The following IFNAR1 variants were observed in gnomAD, a reference collection of about 807,000 sequenced individuals.
IFNAR1 encodes the protein interferon alpha/beta receptor 1.
Under a neutral mutation model 62.1 loss-of-function variants are expected in IFNAR1, and 47 were observed. The observed-to-expected ratio is 0.76, with a 90% CI of 0.60 to 0.97. IFNAR1 has a LOEUF of 0.97. Ranked by LOEUF, IFNAR1 falls within the 50% of genes least tolerant of loss-of-function variation. The pLI is 0.00. For missense variants in IFNAR1, 638 were observed against 654.5 expected, an observed-to-expected ratio of 0.97 and a Z score of 0.27; for synonymous variants, 219 against 226.9, an observed-to-expected ratio of 0.97 and a Z score of 0.31.
intron 6 of IFNAR1, 60 bp from the exon 7 acceptor site, chr21:33,349,031 C>T: frequency 9.6e-7 from 1 of 1,041,374 alleles, no homozygotes; most frequent in Non-Finnish European, 1.4e-6. Flanking sequence ...AACATAGTGT[C>T]TGGCAATTGT....
At chr21:33,334,909 C>T in intron 1 of IFNAR1, 2 of 1,505,034 alleles carry the variant, frequency 1.3e-6, no homozygotes, top group Non-Finnish European at 1.8e-6. Flanking sequence ...CTTTCCCACC[C>T]CTGCAGTGGG....
intron 1 of IFNAR1, chr21:33,335,111 G>A (rs560500614): frequency 2.1e-5 from 15 of 721,646 alleles, no homozygotes; most frequent in African/African-American, 1.0e-4. Context: ...TTATTTGGAC[G>A]TAACACCATT....
In IFNAR1 at chr21:33,353,858, A is replaced by G. The variant is rs2123273313; in HGVS notation, c.1440+75A>G. ...AATGTGTTTGATTTCAACAGGATAT[A>G]TGTAGGTTTTCTTGATATCCAGAAA... On this transcript the variant is annotated intron_variant, in intron 10 of 10. Coordinates refer to ENST00000270139, the MANE Select transcript of IFNAR1 (RefSeq NM_000629.3). 5.0e-6 allele frequency: 5 copies of G among 993,572 alleles called. No individual in the cohort carries two copies. In the South Asian group the frequency reaches 6.1e-5, roughly 12 times the overall value. 61.5% of individuals were successfully genotyped at this position (993,572 alleles called of 1,614,324 possible).
chr21:33,346,690 A>C (rs1290664203), intron 6 of IFNAR1, among the ~76,000 whole-genome samples: 1 of 152,240 alleles, frequency 6.6e-6, no homozygotes, highest in Non-Finnish European at 1.5e-5. Context: ...GTTAGCCAAC[A>C]TTGCAAAGTG....
rs985673227 is a variant in IFNAR1 at position 33,356,251 on chromosome 21, G to A, written c.*702G>A. 2 of 152,210 alleles carry A rather than the reference G, an allele frequency of 1.3e-5. No homozygotes were observed. The highest frequency in any genetic ancestry group is 1.3e-4 in the Admixed American group (2 of 15,274). The allele number at this position is 152,210 out of a possible 1,614,324, so 9.4% of individuals were successfully genotyped here. A position where few individuals can be genotyped will look rare whatever the true frequency, so the allele number is the denominator to read the frequency against. On this transcript the variant is annotated 3_prime_UTR_variant, in exon 11 of 11. Coordinates refer to ENST00000270139, the MANE Select transcript of IFNAR1 (RefSeq NM_000629.3). ...GCTGGCTACTGCATGTGCCACACCT[G>A]TCTGTTCGCCATTCCTAACATTCTG... is the stretch of plus-strand genomic sequence containing the variant.
At position 33,349,481 on chromosome 21, in the gene IFNAR1, G is replaced by A. The variant is rs1229558903; in HGVS notation, c.1081G>A (p.Val361Met). The A allele has an allele frequency of 1.2e-6, 2 of 1,611,720 alleles. No individual in the cohort carries two copies. The highest frequency in any genetic ancestry group is 1.7e-6 in the Non-Finnish European group (2 of 1,177,954). The change falls in exon 8 of 11, where the codon GTG (valine) becomes ATG (methionine). Residue 361 changes from valine to methionine, a missense_variant. Physicochemically the swap from Val to Met is conservative, Grantham distance 21 (BLOSUM62 1). Coordinates refer to ENST00000270139, the MANE Select transcript of IFNAR1 (RefSeq NM_000629.3). ...TCCAAAACAGTCTGGAAACACGCCT[G>A]TGATCCAGGATTATCCACTGATTTA... ...GAPKQSGNTP[V>M]IQDYPLIYEI...
At position 33,358,012 on chromosome 21, in the gene IFNAR1, G is replaced by A. The variant is rs1459305389; in HGVS notation, c.*2463G>A. 6.6e-6 allele frequency: 1 copy of A among 152,206 alleles called. No homozygotes were observed. The highest frequency in any genetic ancestry group is 1.9e-4 in the East Asian group (1 of 5,206). 9.4% of individuals were successfully genotyped at this position (152,206 alleles called of 1,614,324 possible). ...TACTTCAGACTGGATAGCCTAAAAAGGAGCAATGCCCTTGTAGGATGTGGA... is the reference window on the plus strand; with the variant it reads ...TACTTCAGACTGGATAGCCTAAAAAAGAGCAATGCCCTTGTAGGATGTGGA... On this transcript the variant is annotated 3_prime_UTR_variant, in exon 11 of 11. Transcript: ENST00000270139.
At chr21:33,333,034 AG>A (rs1169394965) in intron 1 of IFNAR1, among the ~76,000 whole-genome samples, 1 of 152,246 alleles carries the variant, frequency 6.6e-6, no homozygotes, top group Non-Finnish European at 1.5e-5. Context: ...TAACCCAAAA[AG>A]GTTCTCTCCA....
chr21:33,325,068 C>A lies in IFNAR1; in HGVS notation c.13C>A (p.Leu5Ile). 6.2e-7 allele frequency: 1 copy of A among 1,607,418 alleles called. No homozygotes were observed. The change falls in exon 1 of 11, where the codon CTC becomes ATC. Residue 5 changes from leucine (L) to isoleucine (I), a missense_variant. Leu to Ile is a conservative substitution (Grantham distance 5). Transcript: ENST00000270139. MMVV[L>I]LGATTLVLVA... is the part of the protein sequence containing the mutation. ...CGGCGGCTCCCAGATGATGGTCGTC[C>A]TCCTGGGCGCGACGACCCTAGTGCT...
chr21:33,350,318 C>T (rs970444154), intron 8 of IFNAR1, among the ~76,000 whole-genome samples: 1 of 151,352 alleles, frequency 6.6e-6, no homozygotes, highest in Non-Finnish European at 1.5e-5. Context: ...CTGGTGGCTC[C>T]TCCAAGGGGA....
upstream of IFNAR1, chr21:33,324,913 G>GT: frequency 2.2e-5 from 15 of 669,558 alleles, no homozygotes; most frequent in South Asian, 3.5e-5. Flanking sequence ...CAGAAGAGGC[G>GT]GCGCGTGCGT....
At chr21:33,333,662 T>C (rs1428349777) in intron 1 of IFNAR1, among the ~76,000 whole-genome samples, 4 of 144,058 alleles carry the variant, frequency 2.8e-5, no homozygotes, top group African/African-American at 1.1e-4. Context: ...CTCGCTCTGT[T>C]GCCCAGGCTG....
chr21:33,344,592 G>A (rs1160828643), intron 5 of IFNAR1, among the ~76,000 whole-genome samples: 1 of 152,024 alleles, frequency 6.6e-6, no homozygotes, highest in East Asian at 1.9e-4. Context: ...CATATACACA[G>A]ACCCACAGTT....
rs2083419704 is a variant in IFNAR1, at chr21:33,353,678, T to C, written c.1335T>C (p.Ile445=). The C allele has an allele frequency of 6.4e-7, 1 of 1,574,152 alleles. No homozygotes were observed. Among genetic ancestry groups the C allele is most frequent in the African/African-American group, 1.4e-5 (1 of 72,732 alleles). Residue 445 remains isoleucine (I), a synonymous_variant, in exon 10 of 11, where the codon ATT becomes ATC. Coordinates refer to ENST00000270139, the MANE Select transcript of IFNAR1 (RefSeq NM_000629.3). ...TTTGGCTTATAGTTGGAATTTGTAT[T>C]GCATTATTTGCTCTCCCGTTTGTCA... ...SKIWLIVGIC[I]ALFALPFVIY...
intron 10 of IFNAR1, among the ~76,000 whole-genome samples, chr21:33,354,443 T>C (rs2083429436): frequency 1.3e-5 from 2 of 152,356 alleles, no homozygotes; most frequent in East Asian, 1.9e-4. Context: ...CGTAATTCCA[T>C]TGTAAGTTAG....
chr21:33,349,203 G>C lies in IFNAR1; in HGVS notation c.901G>C (p.Gly301Arg). 1.2e-6 allele frequency: 2 copies of C among 1,613,488 alleles called. No homozygotes were observed. The highest frequency in any genetic ancestry group is 1.3e-5 in the African/African-American group (1 of 75,014). The change falls in exon 7 of 11, where the codon GGA (glycine) becomes CGA (arginine). Residue 301 changes from glycine to arginine, a missense_variant. Transcript: ENST00000270139. ...CVFPQNVFQK[G>R]IYLLRVQASD... is the part of the protein sequence containing the mutation. The stretch of plus-strand genomic sequence containing the variant: ...CTTTCCTCAAAACGTTTTCCAAAAA[G>C]GAATTTACCTTCTCCGCGTACAAGC...
chr21:33,345,135 C>T (rs984388013), intron 5 of IFNAR1, 111 bp from the exon 6 acceptor site: 3 of 642,004 alleles, frequency 4.7e-6, no homozygotes, highest in African/African-American at 3.7e-5. Flanking sequence ...TGAATACAAA[C>T]CATATTTAAC....
intron 6 of IFNAR1, among the ~76,000 whole-genome samples, chr21:33,348,237 G>A (rs566921646): frequency 3.3e-5 from 5 of 152,282 alleles, no homozygotes; most frequent in African/African-American, 1.2e-4. Flanking sequence ...ATGTTTAGCA[G>A]CTGGCTTTCC....
rs1297619448 is a variant in IFNAR1 at position 33,357,689 on chromosome 21, A to G, written c.*2140A>G. On this transcript the variant is annotated 3_prime_UTR_variant, in exon 11 of 11. Transcript: ENST00000270139. ...CAGGTGCCCACCACCACACCCCACT[A>G]ATTTTTGTATTTGTATTTTTAGTAG... 1 of 151,656 alleles carries G rather than the reference A, an allele frequency of 6.6e-6. No homozygotes were observed. Among genetic ancestry groups the G allele is most frequent in the Non-Finnish European group, 1.5e-5 (1 of 67,972 alleles). The allele number at this position is 151,656 out of a possible 1,614,324, so 9.4% of individuals were successfully genotyped here. A position where few individuals can be genotyped will look rare whatever the true frequency, so the allele number is the denominator to read the frequency against.
Sources: allele counts gnomAD v4.1 joint callset (sites outside exome capture counted in the v4.1 genomes callset), GRCh38; gene constraint gnomAD v4.1.1; transcripts MANE v1.5; gene names NCBI Gene and HGNC (gene_info 2026-07-23, HGNC 2026-07-21).